The following ALK variants were observed in gnomAD, a reference collection of about 807,000 sequenced individuals.
ALK encodes the protein ALK receptor tyrosine kinase.
A neutral mutation model predicts 163.1 loss-of-function variants in ALK; 74 were observed. The observed-to-expected ratio is 0.45, with a 90% CI of 0.38 to 0.55. The LOEUF is 0.55. Ranked by LOEUF, ALK falls within the 20% of genes least tolerant of loss-of-function variation. The pLI is 0.00. For synonymous variants in ALK, 960 were observed against 843.2 expected, an observed-to-expected ratio of 1.14 and a Z score of -2.40; for missense variants, 2,063 against 2,105.3, an observed-to-expected ratio of 0.98 and a Z score of 0.39.
intron 9 of ALK, among the ~76,000 whole-genome samples, chr2:29,293,999 AG>A (rs1279256656): frequency 6.6e-6 from 1 of 152,186 alleles, no homozygotes. Context: ...GCCGCTTTCA[AG>A]GTTCAGGGTT....
intron 1 of ALK, among the ~76,000 whole-genome samples, chr2:29,805,278 T>C (rs1009926726): frequency 1.2e-4 from 19 of 152,208 alleles, no homozygotes; most frequent in African/African-American, 4.6e-4. Flanking sequence ...CTCGAGCTCC[T>C]GGGAGCACTA....
chr2:29,392,190 T>G (rs1052054338), intron 4 of ALK, among the ~76,000 whole-genome samples: 3 of 152,232 alleles, frequency 2.0e-5, no homozygotes, highest in Non-Finnish European at 4.4e-5. Context: ...CCATTAAATA[T>G]GAAAATCTTA....
rs2148143467 is a variant in ALK at position 29,197,620 on chromosome 2, C to A, written c.3995G>T (p.Ser1332Ile). 1 of 1,614,004 alleles carries A rather than the reference C, an allele frequency of 6.2e-7. No individual in the cohort carries two copies. The highest frequency in any genetic ancestry group is 8.5e-7 in the Non-Finnish European group (1 of 1,180,012). Residue 1332 changes from serine (S) to isoleucine (I), a missense_variant, in exon 27 of 29, where the codon AGC becomes ATC. Around this residue, in one of 5 missense-constraint regions of ALK, gnomAD observed 403 missense variants for 366.2 expected, o/e 1.10. Coordinates refer to ENST00000389048, the MANE Select transcript of ALK (RefSeq NM_004304.5). ...IFSLGYMPYP[S>I]KSNQEVLEFV... The stretch of plus-strand genomic sequence containing the variant: ...CTCCAGAACTTCCTGGTTGCTTTTG[C>A]TGGGGTATGGCATATATCCAAGAGA...
At chr2:29,419,660 A>G (rs1358547392) in intron 4 of ALK, among the ~76,000 whole-genome samples, 1 of 151,694 alleles carries the variant, frequency 6.6e-6, no homozygotes, top group South Asian at 2.1e-4. Context: ...TTTGGTTTTC[A>G]TAAGGGAATG....
At chr2:29,613,029 C>T (rs758223028) in intron 3 of ALK, among the ~76,000 whole-genome samples, 3 of 152,164 alleles carry the variant, frequency 2.0e-5, no homozygotes, top group African/African-American at 4.8e-5. Context: ...AAAGCAAAGG[C>T]ACAATATCAA....
chr2:29,196,145 G>A (rs941133221), intron 28 of ALK, among the ~76,000 whole-genome samples: 7 of 152,180 alleles, frequency 4.6e-5, no homozygotes, highest in Non-Finnish European at 1.0e-4. Flanking sequence ...ATTGCTAGAA[G>A]AATGTTTGAC....
intron 2 of ALK, among the ~76,000 whole-genome samples, chr2:29,700,871 A>G (rs1424303126): frequency 6.6e-6 from 1 of 152,196 alleles, no homozygotes; most frequent in African/African-American, 2.4e-5. Context: ...AAGAGTTGTC[A>G]ATGACAAACC....
intron 4 of ALK, among the ~76,000 whole-genome samples, chr2:29,385,365 A>G (rs6705634): frequency 0.99 from 148,626 of 150,660 alleles, 73,341 homozygotes; most frequent in Middle Eastern, 1. Flanking sequence ...CCACCTAAGG[A>G]AACAACCTGT....
chr2:29,521,962 C>G (rs1672826236), intron 4 of ALK, among the ~76,000 whole-genome samples: 1 of 152,198 alleles, frequency 6.6e-6, no homozygotes, highest in Non-Finnish European at 1.5e-5. Context: ...CTAAAACAGG[C>G]CTCTTCTGTG....
At chr2:29,914,618 T>G (rs1667784692) in intron 1 of ALK, among the ~76,000 whole-genome samples, 1 of 152,250 alleles carries the variant, frequency 6.6e-6, no homozygotes, top group South Asian at 2.1e-4. Flanking sequence ...GAACTATTAC[T>G]ATCCCCATTT....
chr2:29,641,150 C>T (rs1000674471), intron 3 of ALK, among the ~76,000 whole-genome samples: 1 of 151,920 alleles, frequency 6.6e-6, no homozygotes, highest in African/African-American at 2.4e-5. Context: ...TGTGTTTTAT[C>T]CTAAAATAAA....
intron 3 of ALK, among the ~76,000 whole-genome samples, chr2:29,665,827 A>AT (rs34302250): frequency 0.013 from 2,028 of 150,612 alleles, 22 homozygotes; most frequent in South Asian, 0.045. Flanking sequence ...CTTTCAAATG[A>AT]TTTTTTTTTT....
chr2:29,551,508 A>T (rs1484116911), intron 3 of ALK, among the ~76,000 whole-genome samples: 1 of 152,098 alleles, frequency 6.6e-6, no homozygotes, highest in East Asian at 1.9e-4. Flanking sequence ...GGGTTAGGTG[A>T]CCTCCCATAG....
intron 1 of ALK, among the ~76,000 whole-genome samples, chr2:29,866,503 T>A (rs1328554421): frequency 6.6e-6 from 1 of 152,152 alleles, no homozygotes; most frequent in East Asian, 1.9e-4. Context: ...TAGCGGACCC[T>A]GTCTAAGAAC....
chr2:29,887,193 T>C (rs1029603067), intron 1 of ALK, among the ~76,000 whole-genome samples: 1 of 152,256 alleles, frequency 6.6e-6, no homozygotes, highest in African/African-American at 2.4e-5. Flanking sequence ...TTGATTCTTC[T>C]GTTCCATGTG....
chr2:29,470,939 A>G (rs1472931512), intron 4 of ALK, among the ~76,000 whole-genome samples: 2 of 152,218 alleles, frequency 1.3e-5, no homozygotes, highest in Non-Finnish European at 2.9e-5. Flanking sequence ...GATGGTGGCT[A>G]GTGGAGTTTA....
intron 3 of ALK, among the ~76,000 whole-genome samples, chr2:29,564,441 ACC>A: frequency 9.6e-6 from 1 of 103,868 alleles, no homozygotes; most frequent in Non-Finnish European, 2.1e-5. Flanking sequence ...CCCTACCACC[ACC>A]CCCACCGCCA....
intron 1 of ALK, among the ~76,000 whole-genome samples, chr2:29,765,069 G>C (rs569702061): frequency 6.6e-6 from 1 of 152,220 alleles, no homozygotes; most frequent in South Asian, 2.1e-4. Flanking sequence ...TTTGCTTTCT[G>C]CTATGATTAT....
chr2:29,406,328 C>T (rs1232489679), intron 4 of ALK, among the ~76,000 whole-genome samples: 1 of 152,168 alleles, frequency 6.6e-6, no homozygotes, highest in Non-Finnish European at 1.5e-5. Flanking sequence ...ATCCCTCCCT[C>T]ACCTCCTGTT....
Sources: gnomAD v4.1 joint callset for allele counts (sites outside exome capture counted in the v4.1 genomes callset) on GRCh38, gnomAD v4.1.1 for gene constraint, gnomAD v4.1.1 regional missense constraint, MANE v1.5 for transcripts, NCBI Gene and HGNC (gene_info 2026-07-23, HGNC 2026-07-21) for gene names.